MEP1A: variants seen among roughly 807,000 people sequenced by gnomAD.
The protein encoded by MEP1A is meprin A subunit alpha, also known as N-benzoyl-L-tyrosyl-P-amino-benzoic acid hydrolase subunit alpha.
In MEP1A, 68 loss-of-function variants were observed where a neutral mutation model predicts 84.5. That is an observed-to-expected ratio of 0.80 (90% CI 0.66 to 0.98). The LOEUF (loss-of-function observed/expected upper bound fraction) is 0.98, where lower values mean the gene tolerates loss of function less well. Among genes scored for constraint, MEP1A ranks in the 50% least tolerant of loss-of-function variants. The probability of loss-of-function intolerance (pLI) is 0.00; values close to 1 mark genes in which losing one functional copy is unlikely to be tolerated. For missense variants in MEP1A, 887 were observed against 919.9 expected (o/e 0.96, Z 0.46); for synonymous variants, 337 against 336.8 (o/e 1.00, Z -0.01).
intron 7 of MEP1A, 42 bp downstream of exon 7, chr6:46,819,746 G>A (rs1562111482): frequency 1.3e-6 from 2 of 1,594,780 alleles, no homozygotes; most frequent in Non-Finnish European, 1.7e-6. Context: ...ATCACTGGCT[G>A]AGACCAATCC....
At chr6:46,824,746 AGATGTATTTAAATATATATAAATTATG>A (rs1365565560) in intron 7 of MEP1A, among the ~76,000 whole-genome samples, 52 of 62,678 alleles carry the variant, frequency 8.3e-4, no homozygotes, top group African/African-American at 2.2e-3. Context: ...GTATTTAAAT[AGATGTATTTAAATATATATAAATTATG>A]TATTTAAATA....
intron 5 of MEP1A, among the ~76,000 whole-genome samples, chr6:46,807,273 T>C (rs559165591): frequency 6.6e-6 from 1 of 152,026 alleles, no homozygotes; most frequent in East Asian, 1.9e-4. Context: ...CACAGAACTA[T>C]GTACAACTTA....
intron 7 of MEP1A, 127 bp downstream of exon 7, chr6:46,819,831 A>G: frequency 1.9e-6 from 2 of 1,053,292 alleles, no homozygotes; most frequent in Non-Finnish European, 2.8e-6. Context: ...TGAAGAGGTT[A>G]TGATTTGTTG....
At chr6:46,832,352 T>G (rs1768097112) in intron 10 of MEP1A, among the ~76,000 whole-genome samples, 1 of 152,200 alleles carries the variant, frequency 6.6e-6, no homozygotes, top group African/African-American at 2.4e-5. Context: ...CAACCCAGGA[T>G]CCTATGTTCT....
intron 6 of MEP1A, among the ~76,000 whole-genome samples, chr6:46,810,665 A>G (rs969799547): frequency 2.0e-5 from 3 of 152,158 alleles, no homozygotes; most frequent in Non-Finnish European, 2.9e-5. Context: ...AAGAGGCTCT[A>G]GTTTCATTCT....
At chr6:46,814,865 T>C (rs1192850835) in intron 6 of MEP1A, among the ~76,000 whole-genome samples, 1 of 136,700 alleles carries the variant, frequency 7.3e-6, no homozygotes, top group African/African-American at 2.5e-5. Context: ...GGGCTGGTAC[T>C]GAGGAGTACA....
Position 46,819,561 on chromosome 6 carries a change from G to A in MEP1A, c.413G>A (p.Gly138Glu), listed in dbSNP as rs1310402595. 6.2e-7 allele frequency: 1 copy of A among 1,613,806 alleles called. No individual in the cohort carries two copies. The highest frequency in any genetic ancestry group is 1.1e-5 in the South Asian group (1 of 91,000). ...CWSEVGDQHV[G>E]QNISIGQGCA... ...TCTGAGGTTGGTGACCAACATGTGG[G>A]ACAGAACATTTCCATTGGCCAAGGA... The change falls in exon 7 of 14, where the codon GGA becomes GAA. Residue 138 changes from glycine (G) to glutamate (E), a missense_variant. Transcript: ENST00000230588.
rs114843109 is a variant in MEP1A, at chr6:46,801,427, G to A, written c.262+2246G>A. On this transcript the variant is annotated intron_variant, in intron 5 of 13. Coordinates refer to ENST00000230588, the MANE Select transcript of MEP1A (RefSeq NM_005588.3). The stretch of plus-strand genomic sequence containing the variant: ...GCTATTTTTGTATCTTCTTTTACGA[G>A]GGTCTGTCCAACTCCTTCATGAGTT... Among the ~76,000 whole-genome samples, 252 of 152,050 alleles carry A rather than the reference G, an allele frequency of 1.7e-3. 2 individuals carry two copies. Among genetic ancestry groups the A allele is most frequent in the African/African-American group, 6.0e-3 (249 of 41,496 alleles).
At chr6:46,832,889 T>C (rs773335852) in intron 10 of MEP1A, among the ~76,000 whole-genome samples, 185 bp from the exon 11 acceptor site, 8 of 152,222 alleles carry the variant, frequency 5.3e-5, no homozygotes, top group Non-Finnish European at 1.2e-4. Context: ...AAACAATTTT[T>C]CCTTATTAGG....
At chr6:46,826,607 T>C (rs1174627819) in intron 9 of MEP1A, 104 bp downstream of exon 9, 1 of 1,039,432 alleles carries the variant, frequency 9.6e-7, no homozygotes, top group South Asian at 3.2e-5. Flanking sequence ...GTTATCAAAC[T>C]TGAAAATCTG....
intron 13 of MEP1A, 127 bp from the exon 14 acceptor site, chr6:46,838,853 G>A: frequency 2.7e-6 from 2 of 743,068 alleles, no homozygotes; most frequent in African/African-American, 1.7e-5. Flanking sequence ...TCTTGAAATG[G>A]GACCAGGCAC....
intron 9 of MEP1A, among the ~76,000 whole-genome samples, chr6:46,828,654 TTGTTTGGCTGCTTGAC>T (rs1480406466): frequency 6.6e-6 from 1 of 152,204 alleles, no homozygotes; most frequent in Admixed American, 6.5e-5. Flanking sequence ...AACGGTACAT[TTGTTTGGCTGCTTGAC>T]TGTTTTTAGG....
Position 46,797,871 on chromosome 6 carries a change from TTTCCTTCC to T in MEP1A, c.146-683_146-676del, listed in dbSNP as rs1162981215. On this transcript the variant is annotated intron_variant, in intron 3 of 13. Coordinates refer to ENST00000230588, the MANE Select transcript of MEP1A (RefSeq NM_005588.3). ...CTTTCTTTCTTTCTTACTTTCTACC[TTTCCTTCC>T]TTCCTTCCTTCCTTCCTTCCTTCCT... is the stretch of plus-strand genomic sequence containing the variant. Among the ~76,000 whole-genome samples the T allele has an allele frequency of 1.6e-3, 170 of 106,994 alleles. 2 individuals carry two copies. The highest frequency in any genetic ancestry group is 2.4e-3 in the Non-Finnish European group (128 of 53,002). The allele number at this position is 106,994 out of a possible 152,430, so 70.2% of individuals were successfully genotyped here.
rs761448561 is a variant in MEP1A, at chr6:46,835,481, C to T, written c.2016C>T (p.Asp672=). 1.9e-6 allele frequency: 3 copies of T among 1,613,296 alleles called. No individual in the cohort carries two copies. The highest frequency in any genetic ancestry group is 2.7e-5 in the African/African-American group (2 of 74,914). The stretch of plus-strand genomic sequence containing the variant: ...ATAACTGGCCACAGTACTTCAGAGA[C>T]CCATGTGACCCAAACCCTTGCCAAA... ...EDHNWPQYFR[D]PCDPNPCQND... The change falls in exon 13 of 14, where the codon GAC becomes GAT. Residue 672 remains aspartate, a synonymous_variant. Coordinates refer to ENST00000230588, the MANE Select transcript of MEP1A (RefSeq NM_005588.3).
At chr6:46,842,485 G>GA (rs919676210), downstream of MEP1A, among the ~76,000 whole-genome samples, 4 of 152,150 alleles carry the variant, frequency 2.6e-5, no homozygotes, top group Non-Finnish European at 5.9e-5. Flanking sequence ...GATAAGGACT[G>GA]AAATATGCCC....
At chr6:46,828,417 TA>T (rs954860388) in intron 9 of MEP1A, among the ~76,000 whole-genome samples, 11 of 152,324 alleles carry the variant, frequency 7.2e-5, no homozygotes, top group South Asian at 2.1e-4. Flanking sequence ...TTGCTGCTGA[TA>T]TGAAAGGCAC....
chr6:46,827,203 A>G (rs926185388), intron 9 of MEP1A, among the ~76,000 whole-genome samples: 2 of 152,170 alleles, frequency 1.3e-5, no homozygotes, highest in Non-Finnish European at 2.9e-5. Flanking sequence ...TAGCTTCACC[A>G]CTTACTAATT....
rs1305315849 is a variant in MEP1A at position 46,807,570 on chromosome 6, AAGGAAGGAAGG to A, written c.263-1848_263-1838del. Among the ~76,000 whole-genome samples, 77 of 49,650 alleles carry A rather than the reference AAGGAAGGAAGG, an allele frequency of 1.6e-3. 1 individual carries two copies. The highest frequency in any genetic ancestry group is 6.1e-3 in the African/African-American group (59 of 9,688). The allele number at this position is 49,650 out of a possible 152,430, so 32.6% of individuals were successfully genotyped here. On this transcript the variant is annotated intron_variant, in intron 5 of 13. Coordinates refer to ENST00000230588, the MANE Select transcript of MEP1A (RefSeq NM_005588.3). Reference sequence around the variant, plus strand: ...AAAGAAAGAAAGAAAGAAAGAAAGGAAGGAAGGAAGGAAGGAAGGAAGGAAGGAAGGAAGGA... The same window carrying A: ...AAAGAAAGAAAGAAAGAAAGAAAGGAAAGGAAGGAAGGAAGGAAGGAAGGA...
At chr6:46,810,135 A>T (rs544862595) in intron 6 of MEP1A, among the ~76,000 whole-genome samples, 2 of 151,800 alleles carry the variant, frequency 1.3e-5, no homozygotes, top group Non-Finnish European at 2.9e-5. Flanking sequence ...TATAATTTTT[A>T]AAAATTTTTT....
Sources: allele counts gnomAD v4.1 joint callset (sites outside exome capture counted in the v4.1 genomes callset), GRCh38; gene constraint gnomAD v4.1.1; transcripts MANE v1.5; gene names NCBI Gene and HGNC (gene_info 2026-07-23, HGNC 2026-07-21).